RORA: variants seen among roughly 807,000 people sequenced by gnomAD.
The protein encoded by RORA is RAR related orphan receptor A.
In RORA, 7 loss-of-function variants were observed where a neutral mutation model predicts 69.5. The observed-to-expected ratio is 0.10, with a 90% CI of 0.06 to 0.19. The LOEUF (loss-of-function observed/expected upper bound fraction) is 0.19, where lower values mean the gene tolerates loss of function less well. RORA is among the 10% of genes least tolerant of loss of function. The pLI is 1.00. For missense variants in RORA, 457 were observed against 663.0 expected (o/e 0.69, Z 3.41); for synonymous variants, 261 against 240.8 (o/e 1.08, Z -0.78).
chr15:60,502,691 G>T, intron 8 of RORA, 69 bp downstream of exon 8: 1 of 953,752 alleles, frequency 1.0e-6, no homozygotes, highest in Non-Finnish European at 1.7e-6. Flanking sequence ...TCCAAGCAGA[G>T]CTTTCACTCA....
intron 1 of RORA, among the ~76,000 whole-genome samples, chr15:61,153,185 AG>A (rs1220186461): frequency 1.3e-5 from 2 of 152,202 alleles, no homozygotes; most frequent in African/African-American, 2.4e-5. Context: ...CCGGAAAGGC[AG>A]GTTGGAGCCC....
intron 2 of RORA, among the ~76,000 whole-genome samples, chr15:60,601,251 T>C (rs564629370): frequency 6.6e-6 from 1 of 152,332 alleles, no homozygotes; most frequent in Admixed American, 6.5e-5. Context: ...GCTTCTATAA[T>C]TGAGCAAGGT....
At chr15:60,784,878 A>C (rs2072314405) in intron 1 of RORA, among the ~76,000 whole-genome samples, 1 of 152,178 alleles carries the variant, frequency 6.6e-6, no homozygotes, top group Non-Finnish European at 1.5e-5. Flanking sequence ...GCCTATACAT[A>C]CATGTTAATT....
At chr15:61,043,659 T>G (rs915143650) in intron 1 of RORA, among the ~76,000 whole-genome samples, 1 of 152,158 alleles carries the variant, frequency 6.6e-6, no homozygotes, top group African/African-American at 2.4e-5. Context: ...GGCAGGTACA[T>G]TTGCCACATC....
At chr15:61,152,287 A>G (rs4238351) in intron 1 of RORA, among the ~76,000 whole-genome samples, 87,711 of 151,880 alleles carry the variant, frequency 0.58, 25,948 homozygotes, top group South Asian at 0.7. Context: ...CCAGCTATCA[A>G]TGAAAAGAAG....
At chr15:60,792,876 T>C (rs1383739889) in intron 1 of RORA, among the ~76,000 whole-genome samples, 1 of 152,176 alleles carries the variant, frequency 6.6e-6, no homozygotes, top group Admixed American at 6.5e-5. Context: ...TAAGAAGTTA[T>C]TAATTTTTCC....
chr15:60,889,960 A>G (rs1315902247), intron 1 of RORA, among the ~76,000 whole-genome samples: 1 of 152,240 alleles, frequency 6.6e-6, no homozygotes, highest in African/African-American at 2.4e-5. Flanking sequence ...ATTAAACAGC[A>G]TCAAGTAATT....
intron 1 of RORA, among the ~76,000 whole-genome samples, chr15:60,761,823 C>G (rs1286027630): frequency 6.6e-6 from 1 of 152,074 alleles, no homozygotes; most frequent in Non-Finnish European, 1.5e-5. Context: ...CACACTTATG[C>G]ACGGTTCAGT....
At chr15:60,577,671 CA>C (rs2068067308) in intron 2 of RORA, among the ~76,000 whole-genome samples, 1 of 144,352 alleles carries the variant, frequency 6.9e-6, no homozygotes, top group African/African-American at 2.5e-5. Flanking sequence ...AAGCTGCAAA[CA>C]GCTTTTGTTT....
intron 1 of RORA, among the ~76,000 whole-genome samples, chr15:60,780,152 T>A (rs1463004915): frequency 6.6e-6 from 1 of 152,174 alleles, no homozygotes; most frequent in African/African-American, 2.4e-5. Context: ...AGAATTTTCT[T>A]TCTTTTTTGC....
chr15:61,094,164 CTGGGGT>C (rs2078754492), intron 1 of RORA, among the ~76,000 whole-genome samples: 1 of 152,116 alleles, frequency 6.6e-6, no homozygotes, highest in African/African-American at 2.4e-5. Flanking sequence ...GTATCCATTC[CTGGGGT>C]AACTACTCCT....
At chr15:61,081,748 C>A (rs976944338) in intron 1 of RORA, among the ~76,000 whole-genome samples, 1 of 148,740 alleles carries the variant, frequency 6.7e-6, no homozygotes. Context: ...GCAGAGCTTG[C>A]AGTGAGCCGA....
At chr15:61,202,586 C>T (rs2079905089) in intron 1 of RORA, among the ~76,000 whole-genome samples, 1 of 152,096 alleles carries the variant, frequency 6.6e-6, no homozygotes, top group Admixed American at 6.5e-5. Context: ...TGCTAACAAC[C>T]TCATAGGAGC....
chr15:60,527,386 C>A (rs2066394037), intron 3 of RORA, among the ~76,000 whole-genome samples: 2 of 152,198 alleles, frequency 1.3e-5, no homozygotes, highest in African/African-American at 4.8e-5. Flanking sequence ...TATTTTCCTC[C>A]TAACACTTCA....
intron 1 of RORA, among the ~76,000 whole-genome samples, chr15:61,064,141 C>T (rs1169852403): frequency 6.6e-6 from 1 of 152,144 alleles, no homozygotes; most frequent in Non-Finnish European, 1.5e-5. Context: ...GTGATCAGGC[C>T]TATTGCCCAC....
intron 2 of RORA, among the ~76,000 whole-genome samples, chr15:60,563,682 GCCCCAGAGAGTCTCTTAGGAAACGGGCT>G: frequency 6.6e-6 from 1 of 152,172 alleles, no homozygotes; most frequent in South Asian, 2.1e-4. Context: ...TTATTGTTGT[GCCCCAGAGAGTCTCTTAGGAAACGGGCT>G]CCCCAGAGCT....
intron 1 of RORA, among the ~76,000 whole-genome samples, chr15:61,083,474 GA>G (rs1279541847): frequency 2.0e-5 from 3 of 152,014 alleles, no homozygotes; most frequent in Admixed American, 2.0e-4. Flanking sequence ...TAGTCCCTCT[GA>G]ATCTGAGGCT....
In RORA at chr15:60,911,703, ATTT is replaced by A. The variant is rs60693324; in HGVS notation, c.167-233020_167-233018del. On this transcript the variant is annotated intron_variant, in intron 1 of 10. Transcript: ENST00000335670. Reference sequence around the variant, plus strand: ...AAAAGTGTCAGGTAACGGATTTTTGATTTTTTTTTTTTTTTTGAAACAGTCTCG... The same window carrying A: ...AAAAGTGTCAGGTAACGGATTTTTGATTTTTTTTTTTTTGAAACAGTCTCG... 1.0e-4 allele frequency among the ~76,000 whole-genome samples: 15 copies of A among 142,952 alleles called. 1 individual carries two copies. Among genetic ancestry groups the A allele is most frequent in the East Asian group, 6.1e-4 (3 of 4,926 alleles). The allele number at this position is 142,952 out of a possible 152,430, so 93.8% of individuals were successfully genotyped here. A position where few individuals can be genotyped will look rare whatever the true frequency, so the allele number is the denominator to read the frequency against.
chr15:60,691,812 A>G (rs1248729394), intron 1 of RORA, among the ~76,000 whole-genome samples: 1 of 152,234 alleles, frequency 6.6e-6, no homozygotes, highest in Non-Finnish European at 1.5e-5. Context: ...TGTTAGAAAG[A>G]TCTTTATGAT....
Sources: allele counts gnomAD v4.1 joint callset (sites outside exome capture counted in the v4.1 genomes callset), GRCh38; gene constraint gnomAD v4.1.1; transcripts MANE v1.5; gene names NCBI Gene and HGNC (gene_info 2026-07-23, HGNC 2026-07-21).